PRKCB: variants seen among roughly 807,000 people sequenced by gnomAD.
PRKCB encodes the protein protein kinase C beta, also known as protein kinase C beta type.
A neutral mutation model predicts 81.5 loss-of-function variants in PRKCB; 13 were observed. The observed-to-expected ratio is 0.16, with a 90% CI of 0.10 to 0.25. The LOEUF (loss-of-function observed/expected upper bound fraction) is 0.25. PRKCB is among the 10% of genes least tolerant of loss of function. The pLI, the probability that PRKCB is intolerant of heterozygous loss-of-function variation, is 1.00. For synonymous variants in PRKCB, 335 were observed against 321.4 expected (o/e 1.04, Z -0.45); for missense variants, 509 against 875.7 (o/e 0.58, Z 5.29).
intron 5 of PRKCB, among the ~76,000 whole-genome samples, chr16:24,070,982 A>T (rs1966100376): frequency 6.6e-6 from 1 of 152,176 alleles, no homozygotes; most frequent in Non-Finnish European, 1.5e-5. Context: ...TATAGATCTA[A>T]CTAGAAGGAT....
chr16:24,058,922 A>C (rs1471639499), intron 5 of PRKCB, among the ~76,000 whole-genome samples: 1 of 75,992 alleles, frequency 1.3e-5, no homozygotes, highest in Non-Finnish European at 2.5e-5. Context: ...TGAAACATAC[A>C]TGAATTAAGG....
intron 15 of PRKCB, among the ~76,000 whole-genome samples, 177 bp downstream of exon 15, chr16:24,185,744 T>A (rs559713263): frequency 1.3e-5 from 2 of 152,354 alleles, no homozygotes; most frequent in East Asian, 3.9e-4. Context: ...GAGAGCTTTT[T>A]TTCTGATTTG....
intron 7 of PRKCB, among the ~76,000 whole-genome samples, chr16:24,108,096 T>G: frequency 6.6e-6 from 1 of 152,046 alleles, no homozygotes; most frequent in East Asian, 1.9e-4. Context: ...ATTGAGAGCC[T>G]TTAGTAAGCA....
chr16:23,900,915 C>G (rs1963462427), intron 2 of PRKCB, among the ~76,000 whole-genome samples: 1 of 151,846 alleles, frequency 6.6e-6, no homozygotes, highest in Non-Finnish European at 1.5e-5. Context: ...GTTAAGATGG[C>G]ATGTGCATTT....
intron 5 of PRKCB, among the ~76,000 whole-genome samples, chr16:24,080,428 TTTCTA>T (rs1966235067): frequency 6.6e-6 from 1 of 152,156 alleles, no homozygotes; most frequent in Non-Finnish European, 1.5e-5. Flanking sequence ...ACCAGAATGA[TTTCTA>T]GATTCTTACT....
intron 12 of PRKCB, 133 bp from the exon 13 acceptor site, chr16:24,180,657 C>G: frequency 9.3e-7 from 1 of 1,074,176 alleles, no homozygotes; most frequent in Admixed American, 2.3e-5. Flanking sequence ...TGTTGGAGGT[C>G]AAAGGCTGGT....
At chr16:24,092,717 T>A (rs927563327) in intron 5 of PRKCB, 74 bp from the exon 6 acceptor site, 1 of 1,417,104 alleles carries the variant, frequency 7.1e-7, no homozygotes, top group Admixed American at 2.0e-5. Context: ...CTTCCACAAG[T>A]TCTGCAGCTG....
chr16:24,128,941 T>C (rs1057233593), intron 9 of PRKCB, among the ~76,000 whole-genome samples: 2 of 152,180 alleles, frequency 1.3e-5, no homozygotes, highest in South Asian at 2.1e-4. Context: ...TTATGCTGCA[T>C]ATATATAAAT....
At chr16:24,000,838 G>T (rs1198373458) in intron 3 of PRKCB, among the ~76,000 whole-genome samples, 1 of 152,128 alleles carries the variant, frequency 6.6e-6, no homozygotes, top group African/African-American at 2.4e-5. Context: ...GCTAAGAAAA[G>T]AACTCAAACT....
intron 16 of PRKCB, among the ~76,000 whole-genome samples, chr16:24,206,315 T>G (rs1283034255): frequency 6.6e-6 from 1 of 152,214 alleles, no homozygotes; most frequent in Non-Finnish European, 1.5e-5. Flanking sequence ...GGAACGACCC[T>G]GCATTTCACT....
At chr16:23,860,837 C>T (rs1962652406) in intron 2 of PRKCB, among the ~76,000 whole-genome samples, 1 of 152,068 alleles carries the variant, frequency 6.6e-6, no homozygotes, top group African/African-American at 2.4e-5. Flanking sequence ...GACCCGGAGT[C>T]AGAGGTTGCA....
chr16:24,109,161 A>AC (rs1407399713), intron 7 of PRKCB, among the ~76,000 whole-genome samples: 84 of 85,608 alleles, frequency 9.8e-4, no homozygotes, highest in Admixed American at 1.1e-3. Context: ...CGGGGGGCTG[A>AC]CCCCCCCACC....
intron 2 of PRKCB, among the ~76,000 whole-genome samples, chr16:23,871,798 G>A (rs1470793194): frequency 6.6e-6 from 1 of 150,456 alleles, no homozygotes; most frequent in African/African-American, 2.4e-5. Flanking sequence ...GGCTGGTTTC[G>A]AACTCCTGAC....
chr16:23,852,283 T>C (rs1313531435), intron 2 of PRKCB, among the ~76,000 whole-genome samples: 3 of 152,246 alleles, frequency 2.0e-5, no homozygotes, highest in African/African-American at 7.2e-5. Context: ...GTTGAGTGCA[T>C]TTCCTTTATA....
At chr16:23,894,740 G>A (rs1390860212) in intron 2 of PRKCB, among the ~76,000 whole-genome samples, 1 of 152,094 alleles carries the variant, frequency 6.6e-6, no homozygotes, top group East Asian at 1.9e-4. Flanking sequence ...GAAGCAATGT[G>A]GTACCTTTAT....
intron 9 of PRKCB, among the ~76,000 whole-genome samples, chr16:24,139,972 G>A (rs1241781264): frequency 6.6e-6 from 1 of 152,108 alleles, no homozygotes; most frequent in Non-Finnish European, 1.5e-5. Flanking sequence ...TTTTCCTGAG[G>A]TACGTCTTCA....
intron 5 of PRKCB, among the ~76,000 whole-genome samples, chr16:24,087,861 A>G (rs1451361738): frequency 6.6e-6 from 1 of 152,216 alleles, no homozygotes; most frequent in African/African-American, 2.4e-5. Flanking sequence ...ACCCTTAGAC[A>G]GAAACAGGCA....
intron 2 of PRKCB, among the ~76,000 whole-genome samples, chr16:23,880,238 G>A (rs1289566188): frequency 6.6e-6 from 1 of 152,042 alleles, no homozygotes; most frequent in African/African-American, 2.4e-5. Context: ...CTAAATAGAA[G>A]GGCTCTTTCC....
At position 24,220,267 on chromosome 16, in the gene PRKCB, T is replaced by C; in HGVS notation, c.*5451T>C. The C allele has an allele frequency of 1.2e-6, 1 of 864,976 alleles. No individual in the cohort carries two copies. The highest frequency in any genetic ancestry group is 1.7e-6 in the Non-Finnish European group (1 of 583,652). The allele number at this position is 864,976 out of a possible 1,614,324, so 53.6% of individuals were successfully genotyped here. A position where few individuals can be genotyped will look rare whatever the true frequency, so the allele number is the denominator to read the frequency against. ...GCTTTTCTTTGTATGTGTAGCTTGC[T>C]AGTTTGTTTTCTACATTTGAAAATG... On this transcript the variant is annotated 3_prime_UTR_variant, in exon 17 of 17. Coordinates refer to ENST00000643927, the MANE Select transcript of PRKCB (RefSeq NM_002738.7).
Sources: gnomAD v4.1 joint callset for allele counts (sites outside exome capture counted in the v4.1 genomes callset) on GRCh38, gnomAD v4.1.1 for gene constraint, MANE v1.5 for transcripts, NCBI Gene and HGNC (gene_info 2026-07-23, HGNC 2026-07-21) for gene names.